RBM47: variants seen among roughly 807,000 people sequenced by gnomAD.
The protein encoded by RBM47 is RNA-binding protein 47.
A neutral mutation model predicts 47.1 loss-of-function variants in RBM47; 21 were observed. That is an observed-to-expected ratio of 0.45 (90% confidence interval 0.32 to 0.64). RBM47 has a LOEUF of 0.64. Ranked by LOEUF, RBM47 falls within the 30% of genes least tolerant of loss-of-function variation. The pLI, the probability that RBM47 is intolerant of heterozygous loss-of-function variation, is 0.05. For synonymous variants in RBM47, 375 were observed against 361.7 expected, an observed-to-expected ratio of 1.04 and a Z score of -0.42; for missense variants, 708 against 870.9, an observed-to-expected ratio of 0.81 and a Z score of 2.35.
rs144301630 is a variant in RBM47, at chr4:40,461,349, G to A, written c.-32+5228C>T. On this transcript the variant is annotated intron_variant, in intron 3 of 6. Transcript: ENST00000295971. ...CACAGGGAAATACTGGATATTCTTC[G>A]AGTTAATAAAGTGTGAAATGATTTT... 1.9e-3 allele frequency among the ~76,000 whole-genome samples: 287 copies of A among 152,282 alleles called. 1 individual carries two copies. The highest frequency in any genetic ancestry group is 6.5e-3 in the African/African-American group (272 of 41,548).
At position 40,542,336 on chromosome 4, in the gene RBM47, A is replaced by G. The variant is rs79487044; in HGVS notation, c.-155+2086T>C. Among the ~76,000 whole-genome samples the G allele has an allele frequency of 1.8e-4, 28 of 151,542 alleles. No homozygotes were observed. The East Asian group carries it at 5.2e-3, about 28-fold the overall frequency. On this transcript the variant is annotated intron_variant, in intron 2 of 6. Coordinates refer to ENST00000295971, the MANE Select transcript of RBM47 (RefSeq NM_001098634.2). ...TAGCTCATGCTATTCCTTGACCCCA[A>G]CACTCTCTCCATACTGGGCCCCTGC...
chr4:40,600,567 G>A (rs1338456572), intron 1 of RBM47, among the ~76,000 whole-genome samples: 2 of 151,086 alleles, frequency 1.3e-5, no homozygotes, highest in African/African-American at 4.9e-5. Context: ...CCGGGAGGCG[G>A]AGCTTGCAGT....
chr4:40,543,017 C>A (rs1474462154), intron 2 of RBM47: 1 of 152,198 alleles, frequency 6.6e-6, no homozygotes, highest in Non-Finnish European at 1.5e-5. Context: ...TAGCACAGAG[C>A]CTGGCACATA....
intron 1 of RBM47, among the ~76,000 whole-genome samples, chr4:40,575,626 T>G (rs1350041845): frequency 6.6e-6 from 1 of 151,644 alleles, no homozygotes; most frequent in Non-Finnish European, 1.5e-5. Context: ...ATACTTAAAA[T>G]TTGAATACTT....
chr4:40,478,009 C>CTTTTTTTTTTTTTTT lies in RBM47; in HGVS notation c.-154-11325_-154-11311dup, dbSNP rs1194806938. ...TGCCACATGAGCCATGTGGCATGTT[C>CTTTTTTTTTTTTTTT]TTTTTTTTTTTTTTTTTTTTTTTGA... On this transcript the variant is annotated intron_variant, in intron 2 of 6. Coordinates refer to ENST00000295971, the MANE Select transcript of RBM47 (RefSeq NM_001098634.2). 2.8e-4 allele frequency among the ~76,000 whole-genome samples: 24 copies of CTTTTTTTTTTTTTTT among 86,382 alleles called. 1 individual carries two copies. The highest frequency in any genetic ancestry group is 1.1e-3 in the African/African-American group (22 of 20,640). The allele number at this position is 86,382 out of a possible 152,430, so 56.7% of individuals were successfully genotyped here. A position where few individuals can be genotyped will look rare whatever the true frequency, so the allele number is the denominator to read the frequency against.
At chr4:40,478,017 T>TA (rs1719869802) in intron 2 of RBM47, among the ~76,000 whole-genome samples, 1 of 144,470 alleles carries the variant, frequency 6.9e-6, no homozygotes, top group African/African-American at 2.6e-5. Flanking sequence ...TTCTTTTTTT[T>TA]TTTTTTTTTT....
At chr4:40,457,859 G>A (rs1577682054) in intron 3 of RBM47, among the ~76,000 whole-genome samples, 1 of 152,180 alleles carries the variant, frequency 6.6e-6, no homozygotes, top group East Asian at 1.9e-4. Context: ...TGGGTGTGCT[G>A]TCCTAGCACT....
chr4:40,477,759 C>G (rs1719826330), intron 2 of RBM47, among the ~76,000 whole-genome samples: 1 of 152,088 alleles, frequency 6.6e-6, no homozygotes. Context: ...ACAACAATTA[C>G]AATTATGGGC....
intron 2 of RBM47, among the ~76,000 whole-genome samples, chr4:40,467,270 G>A (rs1013304585): frequency 6.6e-6 from 1 of 151,590 alleles, no homozygotes; most frequent in African/African-American, 2.4e-5. Flanking sequence ...TTACTGTTCT[G>A]CCCCTAAAAT....
At chr4:40,429,922 C>T (rs778341124) in intron 6 of RBM47, among the ~76,000 whole-genome samples, 27 of 151,976 alleles carry the variant, frequency 1.8e-4, no homozygotes, top group Admixed American at 5.2e-4. Flanking sequence ...TGGCCGGGCG[C>T]GGTGGCTCAC....
intron 2 of RBM47, among the ~76,000 whole-genome samples, chr4:40,517,709 A>C (rs1194200886): frequency 6.6e-6 from 1 of 152,198 alleles, no homozygotes; most frequent in East Asian, 1.9e-4. Context: ...CTATGTGCCC[A>C]CAAAAAATTA....
At chr4:40,620,195 GAAA>G (rs200356171) in intron 1 of RBM47, among the ~76,000 whole-genome samples, 1 of 80,194 alleles carries the variant, frequency 1.2e-5, no homozygotes, top group African/African-American at 5.9e-5. Flanking sequence ...GACTCAGTAT[GAAA>G]AAAAAAAAAA....
rs1051490053 is a variant in RBM47 at position 40,424,016 on chromosome 4, T to C, written c.*1888A>G. The C allele has an allele frequency of 2.0e-5, 3 of 152,226 alleles. No homozygotes were observed. Among genetic ancestry groups the C allele is most frequent in the Non-Finnish European group, 4.4e-5 (3 of 68,042 alleles). The allele number at this position is 152,226 out of a possible 1,614,324, so 9.4% of individuals were successfully genotyped here. A position where few individuals can be genotyped will look rare whatever the true frequency, so the allele number is the denominator to read the frequency against. On this transcript the variant is annotated 3_prime_UTR_variant, in exon 7 of 7. Transcript: ENST00000295971. ...GAATGATGGAAAGGAATGTTAGCGG[T>C]GCTTAAAGGCCTCAGTAGGCACTCA...
chr4:40,424,869 T>C lies in RBM47; in HGVS notation c.*1035A>G, dbSNP rs532050146. 2.6e-5 allele frequency: 4 copies of C among 152,296 alleles called. No individual in the cohort carries two copies. In the South Asian group the frequency reaches 6.2e-4, roughly 24 times the overall value. 9.4% of individuals were successfully genotyped at this position (152,296 alleles called of 1,614,324 possible). A position where few individuals can be genotyped will look rare whatever the true frequency, so the allele number is the denominator to read the frequency against. Reference sequence around the variant, plus strand: ...TTAGAAATGGCATTAAAGTTTTACATTGGGCAATTAAATAGCTATGCAAAG... The same window carrying C: ...TTAGAAATGGCATTAAAGTTTTACACTGGGCAATTAAATAGCTATGCAAAG... On this transcript the variant is annotated 3_prime_UTR_variant, in exon 7 of 7. Coordinates refer to ENST00000295971, the MANE Select transcript of RBM47 (RefSeq NM_001098634.2).
At chr4:40,607,830 C>T (rs771564925) in intron 1 of RBM47, among the ~76,000 whole-genome samples, 15 of 152,122 alleles carry the variant, frequency 9.9e-5, no homozygotes, top group Non-Finnish European at 1.5e-4. Context: ...TTCAGCCAGG[C>T]GCGGTGTCTC....
intron 2 of RBM47, among the ~76,000 whole-genome samples, chr4:40,511,246 C>T (rs1724888026): frequency 6.6e-6 from 1 of 152,216 alleles, no homozygotes; most frequent in African/African-American, 2.4e-5. Flanking sequence ...CAAAGCCATA[C>T]AGCTCTGTTC....
chr4:40,483,553 G>A (rs2154242926), intron 2 of RBM47, among the ~76,000 whole-genome samples: 1 of 152,274 alleles, frequency 6.6e-6, no homozygotes, highest in African/African-American at 2.4e-5. Flanking sequence ...GTGTGCAGCC[G>A]GGTGCATTGG....
intron 3 of RBM47, chr4:40,455,394 T>A (rs116804499): frequency 6.6e-6 from 1 of 152,158 alleles, no homozygotes; most frequent in Non-Finnish European, 1.5e-5. Context: ...CAAGTCACTT[T>A]CTCTCCTTGA....
Position 40,432,203 on chromosome 4 carries a change from T to TACACACACACAC in RBM47, c.1542+436_1542+447dup, listed in dbSNP as rs61008905. Among the ~76,000 whole-genome samples, 423 of 147,826 alleles carry TACACACACACAC rather than the reference T, an allele frequency of 2.9e-3. 5 individuals carry two copies. The highest frequency in any genetic ancestry group is 0.01 in the African/African-American group (403 of 39,722). ...TGTTCTTTCTCTCTCTCTCTCTCTT[T>TACACACACACAC]ACACACACACACACACACACACACA... On this transcript the variant is annotated intron_variant, in intron 6 of 6. Transcript: ENST00000295971.
Sources: gnomAD v4.1 joint callset for allele counts (sites outside exome capture counted in the v4.1 genomes callset) on GRCh38, gnomAD v4.1.1 for gene constraint, MANE v1.5 for transcripts, NCBI Gene and HGNC (gene_info 2026-07-23, HGNC 2026-07-21) for gene names.